LRRC8A: variants seen among roughly 807,000 people sequenced by gnomAD.
LRRC8A encodes volume-regulated anion channel subunit LRRC8A.
A neutral mutation model predicts 52.5 loss-of-function variants in LRRC8A; 24 were observed. The observed-to-expected ratio is 0.46, with a 90% CI of 0.33 to 0.64. The LOEUF is 0.64. Ranked by LOEUF, LRRC8A falls within the 30% of genes least tolerant of loss-of-function variation. The pLI is 0.02. For missense variants in LRRC8A, 677 were observed against 1,094.7 expected (o/e 0.62, Z 5.38); for synonymous variants, 492 against 494.2 (o/e 1.00, Z 0.06).
Position 128,899,579 on chromosome 9 carries a change from GAC to G in LRRC8A, c.-8-7576_-8-7575del, listed in dbSNP as rs1475075477. On this transcript the variant is annotated intron_variant, in intron 2 of 3. Transcript: ENST00000372600. The surrounding 1 kb of genome is among the most constrained non-coding windows in gnomAD (Gnocchi z 4.0). ...TTAAAAAAAAAAGCCTTAACAAAAG[GAC>G]ATTCTCATATGTGTTAGAACGTGGT... 6.6e-6 allele frequency among the ~76,000 whole-genome samples: 1 copy of G among 152,074 alleles called. No individual in the cohort carries two copies. Among genetic ancestry groups the G allele is most frequent in the Admixed American group, 6.5e-5 (1 of 15,278 alleles).
At chr9:128,882,776 G>T (rs1441796016) in intron 1 of LRRC8A, 9 of 398,850 alleles carry the variant, frequency 2.3e-5, no homozygotes, top group Non-Finnish European at 3.5e-5. Context: ...GGCTCTTGGG[G>T]CCTTTCTGGG....
chr9:128,904,997 CAAAAAAAAAAA>C (rs770042979), intron 2 of LRRC8A, among the ~76,000 whole-genome samples: 3 of 29,846 alleles, frequency 1.0e-4, no homozygotes, highest in Admixed American at 4.4e-4. Flanking sequence ...GACTCCGTCT[CAAAAAAAAAAA>C]AAAAAAAAAA....
intron 2 of LRRC8A, among the ~76,000 whole-genome samples, chr9:128,893,555 C>G (rs554690495): frequency 9.2e-5 from 14 of 152,142 alleles, no homozygotes; most frequent in Non-Finnish European, 1.8e-4. Context: ...CCTCCCTGCT[C>G]TGCTCCCAGG....
intron 3 of LRRC8A, among the ~76,000 whole-genome samples, chr9:128,913,115 A>G (rs1840632760): frequency 6.6e-6 from 1 of 152,200 alleles, no homozygotes; most frequent in Non-Finnish European, 1.5e-5. Flanking sequence ...GGAGAAGGAC[A>G]GGAGTCTGCA....
chr9:128,910,109 G>A (rs113028973), intron 3 of LRRC8A, among the ~76,000 whole-genome samples: 27 of 152,214 alleles, frequency 1.8e-4, no homozygotes, highest in African/African-American at 6.0e-4. Context: ...GGAGGGCTGG[G>A]TACTCCTGTG....
chr9:128,908,661 C>T lies in LRRC8A; in HGVS notation c.1497C>T (p.His499=), dbSNP rs749274385. The T allele has an allele frequency of 5.0e-5, 81 of 1,612,792 alleles. No homozygotes were observed. The highest frequency in any genetic ancestry group is 6.7e-5 in the Non-Finnish European group (79 of 1,179,972). Residue 499 remains histidine (H), a synonymous_variant, in exon 3 of 4, where the codon CAC becomes CAT. Coordinates refer to ENST00000372600, the MANE Select transcript of LRRC8A (RefSeq NM_019594.4). ...TGCGTGAGAACCTGCGGGCGCTGCA[C>T]ATCAAGTTCACCGACATCAAGGAGA... is the stretch of plus-strand genomic sequence containing the variant. ...AFLRENLRAL[H]IKFTDIKEIP... is the part of the protein sequence containing the mutation.
chr9:128,884,739 G>C (rs985215268), intron 1 of LRRC8A, among the ~76,000 whole-genome samples: 1 of 152,158 alleles, frequency 6.6e-6, no homozygotes. Context: ...CCCAGCCTCA[G>C]TGGGTGCCCC....
In LRRC8A at chr9:128,908,557, A is replaced by G. The variant is rs1225163782; in HGVS notation, c.1393A>G (p.Ile465Val). 6 of 1,612,844 alleles carry G rather than the reference A, an allele frequency of 3.7e-6. No homozygotes were observed. The highest frequency in any genetic ancestry group is 3.4e-6 in the Non-Finnish European group (4 of 1,179,986). Residue 465 changes from isoleucine (I) to valine (V), a missense_variant, in exon 3 of 4, where the codon ATT (isoleucine) becomes GTT (valine). Ile to Val is a conservative substitution (Grantham distance 29, BLOSUM62 3). This residue lies in a region of LRRC8A where 422 missense variants were observed against 741.5 expected (regional missense o/e 0.57). Coordinates refer to ENST00000372600, the MANE Select transcript of LRRC8A (RefSeq NM_019594.4). ...LIPDVTIPPSIAQLTGLKELW... is the reference protein window; with the variant it reads ...LIPDVTIPPSVAQLTGLKELW... The stretch of plus-strand genomic sequence containing the variant: ...CCCCGACGTGACCATCCCGCCCAGC[A>G]TTGCCCAGCTCACGGGCCTCAAGGA...
At position 128,908,883 on chromosome 9, in the gene LRRC8A, C is replaced by T. The variant is rs989074201; in HGVS notation, c.1719C>T (p.Ser573=). 2.5e-6 allele frequency: 4 copies of T among 1,613,760 alleles called. No individual in the cohort carries two copies. Among genetic ancestry groups the T allele is most frequent in the Non-Finnish European group, 3.4e-6 (4 of 1,180,044 alleles). Residue 573 remains serine (S), a synonymous_variant, in exon 3 of 4, where the codon TCC becomes TCT. Transcript: ENST00000372600. Reference sequence around the variant, plus strand: ...TGGGCGTGCACCTGCAGAAGCTGTCCATCAACAATGAGGGCACCAAGCTCA... The same window carrying T: ...TGGGCGTGCACCTGCAGAAGCTGTCTATCAACAATGAGGGCACCAAGCTCA... ...TDVGVHLQKL[S]INNEGTKLIV...
chr9:128,892,657 T>G lies in LRRC8A; in HGVS notation c.-9+6536T>G, dbSNP rs1252142599. Among the ~76,000 whole-genome samples, 2 of 152,136 alleles carry G rather than the reference T, an allele frequency of 1.3e-5. No individual in the cohort carries two copies. Among genetic ancestry groups the G allele is most frequent in the African/African-American group, 2.4e-5 (1 of 41,438 alleles). ...CCCTGGGGAGGGTGGAGGCTGTGTG[T>G]GCCAGACGAGGCTGAGACCTCTCCT... On this transcript the variant is annotated intron_variant, in intron 2 of 3. Coordinates refer to ENST00000372600, the MANE Select transcript of LRRC8A (RefSeq NM_019594.4). The surrounding 1 kb of genome is among the most constrained non-coding windows in gnomAD (Gnocchi z 5.2).
At chr9:128,904,306 G>C (rs1283681480) in intron 2 of LRRC8A, among the ~76,000 whole-genome samples, 1 of 152,024 alleles carries the variant, frequency 6.6e-6, no homozygotes, top group Non-Finnish European at 1.5e-5. Context: ...ATCACCTCAG[G>C]TCAGGAGTTC....
chr9:128,883,422 T>C (rs1839218135), intron 1 of LRRC8A, among the ~76,000 whole-genome samples: 1 of 151,912 alleles, frequency 6.6e-6, no homozygotes, highest in African/African-American at 2.4e-5. Flanking sequence ...GTGGAGGGGA[T>C]GTGGGAGTGG....
Position 128,916,938 on chromosome 9 carries a change from C to T in LRRC8A, c.*567C>T, listed in dbSNP as rs1058780. The T allele has an allele frequency of 6.5e-6, 1 of 153,890 alleles. No individual in the cohort carries two copies. The highest frequency in any genetic ancestry group is 6.4e-5 in the Admixed American group (1 of 15,592). The allele number at this position is 153,890 out of a possible 1,614,324, so 9.5% of individuals were successfully genotyped here. A position where few individuals can be genotyped will look rare whatever the true frequency, so the allele number is the denominator to read the frequency against. On this transcript the variant is annotated 3_prime_UTR_variant, in exon 4 of 4. Transcript: ENST00000372600. The surrounding 1 kb of genome is among the most constrained non-coding windows in gnomAD (Gnocchi z 6.1). Reference sequence around the variant, plus strand: ...TCACCCAGCAGTGCCGGGCTGGGCTCTGCGGTGCGGTCCACGGGAGAGCAG... The same window carrying T: ...TCACCCAGCAGTGCCGGGCTGGGCTTTGCGGTGCGGTCCACGGGAGAGCAG...
intron 3 of LRRC8A, 127 bp from the exon 4 acceptor site, chr9:128,915,969 G>A (rs1840796116): frequency 8.5e-7 from 1 of 1,174,274 alleles, no homozygotes; most frequent in Non-Finnish European, 1.2e-6. Context: ...GGCCCAGATT[G>A]TGCTGATGCT....
At chr9:128,897,150 C>T (rs1036616351) in intron 2 of LRRC8A, among the ~76,000 whole-genome samples, 2 of 152,158 alleles carry the variant, frequency 1.3e-5, no homozygotes, top group African/African-American at 4.8e-5. Flanking sequence ...GTGATCAATA[C>T]GTTACGTTTC....
chr9:128,915,973 T>C (rs1379897855), intron 3 of LRRC8A, 123 bp from the exon 4 acceptor site: 15 of 1,227,082 alleles, frequency 1.2e-5, no homozygotes, highest in African/African-American at 4.5e-5. Flanking sequence ...CAGATTGTGC[T>C]GATGCTGGGG....
chr9:128,899,228 C>T lies in LRRC8A; in HGVS notation c.-8-7929C>T, dbSNP rs1180454124. Among the ~76,000 whole-genome samples, 1 of 152,206 alleles carries T rather than the reference C, an allele frequency of 6.6e-6. No homozygotes were observed. The highest frequency in any genetic ancestry group is 2.4e-5 in the African/African-American group (1 of 41,452). On this transcript the variant is annotated intron_variant, in intron 2 of 3. Coordinates refer to ENST00000372600, the MANE Select transcript of LRRC8A (RefSeq NM_019594.4). The surrounding 1 kb of genome is among the most constrained non-coding windows in gnomAD (Gnocchi z 4.0). ...GAGAGAAGCTGTTCCACAGCTCCGC[C>T]AGGACGCAGTGCCAGCTGAGAGGGC...
intron 3 of LRRC8A, among the ~76,000 whole-genome samples, chr9:128,912,481 C>A (rs1311778401): frequency 1.7e-5 from 2 of 118,494 alleles, no homozygotes; most frequent in African/African-American, 6.6e-5. Flanking sequence ...ATGTGGGCAT[C>A]CTGGAGAGCA....
At position 128,892,099 on chromosome 9, in the gene LRRC8A, A is replaced by G. The variant is rs1045653897; in HGVS notation, c.-9+5978A>G. On this transcript the variant is annotated intron_variant, in intron 2 of 3. Coordinates refer to ENST00000372600, the MANE Select transcript of LRRC8A (RefSeq NM_019594.4). The surrounding 1 kb of genome is among the most constrained non-coding windows in gnomAD (Gnocchi z 5.2). Reference sequence around the variant, plus strand: ...AGCAATAGACTTGTCAACCCATTTTACAGATGAGGAAACCAGAGCCCAGCG... The same window carrying G: ...AGCAATAGACTTGTCAACCCATTTTGCAGATGAGGAAACCAGAGCCCAGCG... Among the ~76,000 whole-genome samples, 1 of 152,186 alleles carries G rather than the reference A, an allele frequency of 6.6e-6. No individual in the cohort carries two copies. Among genetic ancestry groups the G allele is most frequent in the African/African-American group, 2.4e-5 (1 of 41,446 alleles).
Sources: allele counts gnomAD v4.1 joint callset (sites outside exome capture counted in the v4.1 genomes callset), GRCh38; gene constraint gnomAD v4.1.1; regional missense constraint gnomAD v4.1.1; non-coding constraint Gnocchi (gnomAD v3.1); transcripts MANE v1.5; gene names NCBI Gene and HGNC (gene_info 2026-07-23, HGNC 2026-07-21).